Variants in TRIM2 observed in about 807,000 individuals in gnomAD.
TRIM2 encodes the protein tripartite motif-containing protein 2.
Under a neutral mutation model 75.2 loss-of-function variants are expected in TRIM2, and 20 were observed. The observed-to-expected ratio is 0.27, with a 90% CI of 0.19 to 0.39. The LOEUF is 0.39. Among genes scored for constraint, TRIM2 ranks in the 10% least tolerant of loss-of-function variants. The probability of loss-of-function intolerance (pLI) is 1.00; values close to 1 mark genes in which losing one functional copy is unlikely to be tolerated. For missense variants in TRIM2, 660 were observed against 990.8 expected, an observed-to-expected ratio of 0.67 and a Z score of 4.48; for synonymous variants, 373 against 388.3, an observed-to-expected ratio of 0.96 and a Z score of 0.46.
chr4:153,335,389 G>T lies in TRIM2; in HGVS notation c.*423G>T. On this transcript the variant is annotated 3_prime_UTR_variant, in exon 12 of 12. Transcript: ENST00000338700. The stretch of plus-strand genomic sequence containing the variant: ...GTAGTTATATACTTCATTTAACCTA[G>T]GTCACAAGACCCAGGGAATCTTCTA... The T allele has an allele frequency of 1.0e-6, 1 of 986,008 alleles. No individual in the cohort carries two copies. Among genetic ancestry groups the T allele is most frequent in the African/African-American group, 1.7e-5 (1 of 57,354 alleles). The allele number at this position is 986,008 out of a possible 1,614,324, so 61.1% of individuals were successfully genotyped here.
chr4:153,166,024 A>T (rs1730262882), intron 1 of TRIM2, among the ~76,000 whole-genome samples: 2 of 152,050 alleles, frequency 1.3e-5, no homozygotes, highest in Non-Finnish European at 2.9e-5. Flanking sequence ...TGCACCACTT[A>T]GATTGATCCT....
chr4:153,221,823 GA>G (rs1740209267), intron 1 of TRIM2, among the ~76,000 whole-genome samples: 3 of 125,316 alleles, frequency 2.4e-5, no homozygotes, highest in East Asian at 2.6e-4. Flanking sequence ...AGGGAGGGAG[GA>G]AATGAAGGAA....
intron 1 of TRIM2, among the ~76,000 whole-genome samples, chr4:153,181,723 G>A (rs1732080452): frequency 1.3e-5 from 2 of 152,170 alleles, no homozygotes; most frequent in African/African-American, 4.8e-5. Flanking sequence ...CATCCCAGCA[G>A]CCTTGTACAC....
chr4:153,251,332 C>T (rs62323711), intron 1 of TRIM2, among the ~76,000 whole-genome samples: 33,087 of 152,144 alleles, frequency 0.22, 4,383 homozygotes, highest in South Asian at 0.34. Flanking sequence ...CTGGACTGTC[C>T]AGAAGGAGCT....
Position 153,293,039 on chromosome 4 carries a change from G to C in TRIM2, c.511G>C (p.Gly171Arg), listed in dbSNP as rs375213888. 21 of 1,613,604 alleles carry C rather than the reference G, an allele frequency of 1.3e-5. 1 individual carries two copies. The highest frequency in any genetic ancestry group is 4.4e-5 in the South Asian group (4 of 91,038). The change falls in exon 4 of 12, where the codon GGG becomes CGG. Residue 171 changes from glycine to arginine, a missense_variant. Physicochemically the swap from Gly to Arg is moderately radical, Grantham distance 125. Coordinates refer to ENST00000338700, the MANE Select transcript of TRIM2 (RefSeq NM_015271.5). ...ETAMCRECTE[G>R]EHAEHPTVPL... is the part of the protein sequence containing the mutation. ...TGCCATGTGTCGGGAGTGCACGGAG[G>C]GGGAGCACGCAGAGCACCCCACAGT...
At chr4:153,312,160 T>C (rs1282501974) in intron 6 of TRIM2, among the ~76,000 whole-genome samples, 1 of 149,490 alleles carries the variant, frequency 6.7e-6, no homozygotes, top group Admixed American at 6.7e-5. Context: ...TGAGAATATG[T>C]GGTGTTTGGT....
At position 153,336,057 on chromosome 4, in the gene TRIM2, A is replaced by G; in HGVS notation, c.*1091A>G. The G allele has an allele frequency of 1.0e-6, 1 of 985,768 alleles. No homozygotes were observed. Among genetic ancestry groups the G allele is most frequent in the Non-Finnish European group, 1.2e-6 (1 of 829,894 alleles). 61.1% of individuals were successfully genotyped at this position (985,768 alleles called of 1,614,324 possible). ...ATGTTATGGTTATTTATCATTGTTTAATGAATAGTAGAGGTGTCAAGGGAC... is the reference window on the plus strand; with the variant it reads ...ATGTTATGGTTATTTATCATTGTTTGATGAATAGTAGAGGTGTCAAGGGAC... On this transcript the variant is annotated 3_prime_UTR_variant, in exon 12 of 12. Transcript: ENST00000338700.
intron 1 of TRIM2, among the ~76,000 whole-genome samples, chr4:153,184,584 T>A (rs1024766210): frequency 1.6e-4 from 25 of 152,168 alleles, no homozygotes; most frequent in African/African-American, 5.6e-4. Flanking sequence ...CTCTGAGCAC[T>A]CTGAACAGAG....
intron 2 of TRIM2, among the ~76,000 whole-genome samples, chr4:153,274,317 G>T (rs1757543634): frequency 6.6e-6 from 1 of 152,242 alleles, no homozygotes; most frequent in Non-Finnish European, 1.5e-5. Flanking sequence ...ACATGCTTTG[G>T]TGATGGGTTG....
intron 6 of TRIM2, among the ~76,000 whole-genome samples, chr4:153,306,734 G>T (rs1414595038): frequency 6.6e-6 from 1 of 152,172 alleles, no homozygotes; most frequent in Non-Finnish European, 1.5e-5. Flanking sequence ...AGGCCATACT[G>T]GCTTATTCAG....
At chr4:153,250,867 ACT>A (rs2149923650) in intron 1 of TRIM2, among the ~76,000 whole-genome samples, 1 of 152,266 alleles carries the variant, frequency 6.6e-6, no homozygotes, top group Admixed American at 6.5e-5. Flanking sequence ...AAGGCAGATA[ACT>A]CAGTCCCCAG....
At position 153,330,270 on chromosome 4, in the gene TRIM2, C is replaced by A. The variant is rs187150626; in HGVS notation, c.2163+1600C>A. On this transcript the variant is annotated intron_variant, in intron 11 of 11. Coordinates refer to ENST00000338700, the MANE Select transcript of TRIM2 (RefSeq NM_015271.5). ...TAGTAACAATTGTATACAATTTCTT[C>A]CAGAAAATAGAAGATAAGAGAATAC... Among the ~76,000 whole-genome samples the A allele has an allele frequency of 1.2e-3, 179 of 152,272 alleles. 1 individual carries two copies. Among genetic ancestry groups the A allele is most frequent in the Admixed American group, 1.8e-3 (28 of 15,288 alleles).
chr4:153,266,078 A>C (rs1754961436), intron 1 of TRIM2, among the ~76,000 whole-genome samples: 1 of 152,182 alleles, frequency 6.6e-6, no homozygotes, highest in African/African-American at 2.4e-5. Context: ...CAGACGTCAT[A>C]CCTATACCGT....
intron 1 of TRIM2, among the ~76,000 whole-genome samples, chr4:153,210,889 G>A (rs7683026): frequency 0.02 from 3,065 of 152,296 alleles, 99 homozygotes; most frequent in African/African-American, 0.07. Context: ...TGACAAGGAA[G>A]GATAGTGACA....
chr4:153,176,205 G>A (rs1731418221), intron 1 of TRIM2, among the ~76,000 whole-genome samples: 1 of 152,050 alleles, frequency 6.6e-6, no homozygotes, highest in Admixed American at 6.6e-5. Context: ...TATAATTTTG[G>A]CACTTTGGGA....
Position 153,334,823 on chromosome 4 carries a change from G to A in TRIM2, c.2173G>A (p.Gly725Arg). ...TCCTATTTGTTTACAGGTTTTTGAT[G>A]GGAGTGGATCATTTTTGTCCTACAT... ...WGNSRIQVFD[G>R]SGSFLSYINT... Residue 725 changes from glycine (G) to arginine (R), a missense_variant, in exon 12 of 12, where the codon GGG becomes AGG. This residue lies in a region of TRIM2 where 40 missense variants were observed against 99.8 expected (regional missense o/e 0.40). Coordinates refer to ENST00000338700, the MANE Select transcript of TRIM2 (RefSeq NM_015271.5). 2 of 1,610,412 alleles carry A rather than the reference G, an allele frequency of 1.2e-6. No homozygotes were observed. The highest frequency in any genetic ancestry group is 1.1e-5 in the South Asian group (1 of 90,434).
At chr4:153,187,675 C>T (rs1403606975) in intron 1 of TRIM2, among the ~76,000 whole-genome samples, 1 of 152,174 alleles carries the variant, frequency 6.6e-6, no homozygotes, top group Admixed American at 6.5e-5. Context: ...AGAGCCTCGC[C>T]CAGGTGGGCT....
At chr4:153,164,634 T>C (rs183356474) in intron 1 of TRIM2, among the ~76,000 whole-genome samples, 132 of 152,342 alleles carry the variant, frequency 8.7e-4, no homozygotes, top group Middle Eastern at 3.4e-3. Flanking sequence ...AGGCAACCAG[T>C]ATTACCAGCC....
chr4:153,260,178 C>A (rs79528964), intron 1 of TRIM2, among the ~76,000 whole-genome samples: 2,171 of 152,190 alleles, frequency 0.014, 59 homozygotes, highest in African/African-American at 0.05. Flanking sequence ...AGAATTGGTA[C>A]CAGCACCTAG....
Sources: allele counts gnomAD v4.1 joint callset (sites outside exome capture counted in the v4.1 genomes callset), GRCh38; gene constraint gnomAD v4.1.1; regional missense constraint gnomAD v4.1.1; transcripts MANE v1.5; gene names NCBI Gene and HGNC (gene_info 2026-07-23, HGNC 2026-07-21).